EPC1: variants seen among roughly 807,000 people sequenced by gnomAD.
The protein encoded by EPC1 is enhancer of polycomb homolog 1.
Under a neutral mutation model 98.4 loss-of-function variants are expected in EPC1, and 12 were observed. The observed-to-expected ratio is 0.12, with a 90% CI of 0.08 to 0.20. EPC1 has a LOEUF of 0.20. Ranked by LOEUF, EPC1 falls within the 10% of genes least tolerant of loss-of-function variation. EPC1 has a pLI of 1.00. For synonymous variants in EPC1, 357 were observed against 363.9 expected (o/e 0.98, Z 0.21); for missense variants, 729 against 990.5 (o/e 0.74, Z 3.54).
intron 2 of EPC1, among the ~76,000 whole-genome samples, chr10:32,303,365 T>C (rs1032143577): frequency 6.6e-6 from 1 of 152,136 alleles, no homozygotes; most frequent in African/African-American, 2.4e-5. Flanking sequence ...TGAATATTCA[T>C]AGCAGCTCTA....
intron 10 of EPC1, among the ~76,000 whole-genome samples, chr10:32,281,201 A>G (rs1430532135): frequency 1.3e-5 from 2 of 151,962 alleles, no homozygotes; most frequent in African/African-American, 4.8e-5. Flanking sequence ...CGTCTGGCTA[A>G]TTTTTGTATT....
intron 10 of EPC1, chr10:32,283,674 A>G (rs1199290435): frequency 6.6e-6 from 1 of 152,228 alleles, no homozygotes; most frequent in Non-Finnish European, 1.5e-5. Flanking sequence ...CAGAATACAT[A>G]TAACATACAA....
chr10:32,327,417 A>AT (rs1373235951), intron 1 of EPC1, among the ~76,000 whole-genome samples: 1 of 152,202 alleles, frequency 6.6e-6, no homozygotes, highest in Non-Finnish European at 1.5e-5. Context: ...TAACGACAGC[A>AT]CATTATATGT....
chr10:32,302,425 A>T (rs768887244), intron 2 of EPC1, among the ~76,000 whole-genome samples: 1 of 152,064 alleles, frequency 6.6e-6, no homozygotes, highest in Non-Finnish European at 1.5e-5. Context: ...AGGCGGGTGG[A>T]TCACCTCAGG....
At chr10:32,353,155 C>CAAA (rs78044145) in intron 1 of EPC1, among the ~76,000 whole-genome samples, 12 of 73,458 alleles carry the variant, frequency 1.6e-4, no homozygotes, top group African/African-American at 4.3e-4. Flanking sequence ...AACTCCATTT[C>CAAA]AAAAAAAAAA....
intron 1 of EPC1, among the ~76,000 whole-genome samples, chr10:32,329,515 A>G (rs747108799): frequency 6.6e-6 from 1 of 152,236 alleles, no homozygotes; most frequent in Non-Finnish European, 1.5e-5. Flanking sequence ...AGTTTTCTCT[A>G]TTAATGATAA....
intron 1 of EPC1, among the ~76,000 whole-genome samples, chr10:32,311,469 C>T (rs940579618): frequency 2.6e-5 from 4 of 151,680 alleles, no homozygotes; most frequent in Non-Finnish European, 5.9e-5. Flanking sequence ...GAGGGCACTA[C>T]AGGTCAGGGA....
At chr10:32,285,782 A>G (rs1836649458) in intron 9 of EPC1, 1 of 152,160 alleles carries the variant, frequency 6.6e-6, no homozygotes, top group African/African-American at 2.4e-5. Context: ...CTGGCCTCTT[A>G]TGTTATTTAT....
chr10:32,356,743 G>T (rs544546873), intron 1 of EPC1, among the ~76,000 whole-genome samples: 3 of 152,156 alleles, frequency 2.0e-5, no homozygotes, highest in Non-Finnish European at 4.4e-5. Flanking sequence ...CCAGCACTTT[G>T]GGAGGCCGAG....
intron 10 of EPC1, chr10:32,282,861 G>C (rs994168175): frequency 2.0e-5 from 3 of 152,158 alleles, no homozygotes; most frequent in Non-Finnish European, 1.5e-5. Flanking sequence ...AGCTTAGAAA[G>C]CTTAATTATC....
At chr10:32,373,472 C>G (rs992737850) in intron 1 of EPC1, among the ~76,000 whole-genome samples, 1 of 152,156 alleles carries the variant, frequency 6.6e-6, no homozygotes, top group Non-Finnish European at 1.5e-5. Flanking sequence ...TTATTGAGCT[C>G]TAAATATTCA....
chr10:32,277,642 C>A (rs1836170008), intron 10 of EPC1, among the ~76,000 whole-genome samples: 1 of 152,126 alleles, frequency 6.6e-6, no homozygotes. Flanking sequence ...TCACTGCAGC[C>A]TTGACCTCCT....
chr10:32,378,584 C>G (rs999380455), exon 1 of EPC1: 76 of 874,712 alleles, frequency 8.7e-5, no homozygotes, highest in Non-Finnish European at 1.3e-4. Flanking sequence ...AGCCTCCAGG[C>G]AGCATATGGA....
At chr10:32,324,180 GCCCACCTCAGCCT>G (rs1402938765) in intron 1 of EPC1, among the ~76,000 whole-genome samples, 1 of 151,760 alleles carries the variant, frequency 6.6e-6, no homozygotes, top group Admixed American at 6.6e-5. Flanking sequence ...CTCGTGATCC[GCCCACCTCAGCCT>G]CCCAAAGTGC....
intron 1 of EPC1, among the ~76,000 whole-genome samples, chr10:32,329,031 G>A (rs1837481915): frequency 6.6e-6 from 1 of 152,210 alleles, no homozygotes; most frequent in South Asian, 2.1e-4. Context: ...TTCTCTGTGA[G>A]AAGAAGGGTA....
At position 32,337,323 on chromosome 10, in the gene EPC1, C is replaced by T. The variant is rs1363441791; in HGVS notation, c.153+9440G>A. Among the ~76,000 whole-genome samples, 3 of 152,198 alleles carry T rather than the reference C, an allele frequency of 2.0e-5. No individual in the cohort carries two copies. The East Asian group carries it at 5.8e-4, about 29-fold the overall frequency. On this transcript the variant is annotated intron_variant, in intron 1 of 13. Transcript: ENST00000319778. ...GGGAATGTGTAGCACAGTCTCAGCC[C>T]TATGAGCTTCCCAAACTGTTCTTTC...
upstream of EPC1, among the ~76,000 whole-genome samples, chr10:32,348,491 T>C (rs1490631854): frequency 6.6e-6 from 1 of 152,170 alleles, no homozygotes; most frequent in African/African-American, 2.4e-5. Flanking sequence ...GTCACTAGCT[T>C]AGGGCACACA....
chr10:32,269,383 G>T (rs1027611368), intron 13 of EPC1: 2 of 342,574 alleles, frequency 5.8e-6, no homozygotes, highest in Non-Finnish European at 5.4e-6. Context: ...AAGCAACCTA[G>T]ATGTTAAAAA....
chr10:32,307,256 G>A (rs1835929425), intron 1 of EPC1, among the ~76,000 whole-genome samples: 1 of 152,250 alleles, frequency 6.6e-6, no homozygotes, highest in Middle Eastern at 3.4e-3. Context: ...TCTCCTAAGT[G>A]CTACAAAGAA....
Sources: gnomAD v4.1 joint callset for allele counts (sites outside exome capture counted in the v4.1 genomes callset) on GRCh38, gnomAD v4.1.1 for gene constraint, MANE v1.5 for transcripts, NCBI Gene and HGNC (gene_info 2026-07-23, HGNC 2026-07-21) for gene names.